Variants in ESRP1 observed in about 807,000 individuals in gnomAD.
ESRP1 encodes epithelial splicing regulatory protein 1.
Under a neutral mutation model 81.7 loss-of-function variants are expected in ESRP1, and 33 were observed. That is an observed-to-expected ratio of 0.40 (90% CI 0.31 to 0.54). ESRP1 has a LOEUF of 0.54. Ranked by LOEUF, ESRP1 falls within the 20% of genes least tolerant of loss-of-function variation. The probability of loss-of-function intolerance (pLI) is 0.41; values close to 1 mark genes in which losing one functional copy is unlikely to be tolerated. For missense variants in ESRP1, 672 were observed against 833.1 expected (o/e 0.81, Z 2.38); for synonymous variants, 320 against 303.3 (o/e 1.06, Z -0.57).
intron 3 of ESRP1, 70 bp from the exon 4 acceptor site, chr8:94,646,098 G>T: frequency 5.4e-5 from 41 of 760,428 alleles, no homozygotes; most frequent in South Asian, 1.5e-4. Context: ...CAATTTTTAG[G>T]TTCCTAATTG....
chr8:94,641,294 C>T lies in ESRP1; in HGVS notation c.-25C>T, dbSNP rs1019535033. The T allele has an allele frequency of 3.1e-6, 5 of 1,595,820 alleles. No individual in the cohort carries two copies. Among genetic ancestry groups the T allele is most frequent in the East Asian group, 2.2e-5 (1 of 44,654 alleles). ...ACCACCTTACCGCCTCCCGACCCCC[C>T]CTCTCCCCCTCCCCACCTATCGTCA... On this transcript the variant is annotated 5_prime_UTR_variant, in exon 1 of 16. Transcript: ENST00000433389.
Position 94,684,724 on chromosome 8 carries a change from C to G in ESRP1, c.1820+6353C>G, listed in dbSNP as rs569709878. ...CTTCCACTTAATCAATTTCTCTAAC[C>G]ATACATATGATACTTTGGCCTCTCT... On this transcript the variant is annotated intron_variant, in intron 13 of 15. Transcript: ENST00000433389. Among the ~76,000 whole-genome samples the G allele has an allele frequency of 2.0e-5, 3 of 152,264 alleles. No individual in the cohort carries two copies. The South Asian group carries it at 6.2e-4, about 32-fold the overall frequency.
chr8:94,654,258 C>T (rs942698691), intron 4 of ESRP1, among the ~76,000 whole-genome samples: 17 of 152,058 alleles, frequency 1.1e-4, no homozygotes, highest in East Asian at 1.9e-4. Context: ...GCGGAGGTTG[C>T]GGTGAGTCAA....
intron 1 of ESRP1, 145 bp downstream of exon 1, chr8:94,641,595 A>G: frequency 8.5e-7 from 1 of 1,180,656 alleles, no homozygotes; most frequent in Non-Finnish European, 1.2e-6. Context: ...TAGGGAAGCT[A>G]GAGTAAAACC....
chr8:94,673,549 C>A (rs1398893722), intron 11 of ESRP1, among the ~76,000 whole-genome samples: 1 of 152,182 alleles, frequency 6.6e-6, no homozygotes, highest in African/African-American at 2.4e-5. Flanking sequence ...ATAAAACATT[C>A]GTGCTCAATA....
chr8:94,692,680 C>T lies in ESRP1; in HGVS notation c.1824C>T (p.Pro608=). 6.2e-7 allele frequency: 1 copy of T among 1,613,384 alleles called. No individual in the cohort carries two copies. Among genetic ancestry groups the T allele is most frequent in the Non-Finnish European group, 8.5e-7 (1 of 1,179,498 alleles). Residue 608 remains proline (P), a synonymous_variant, in exon 14 of 16, where the codon CCC becomes CCT. Coordinates refer to ENST00000433389, the MANE Select transcript of ESRP1 (RefSeq NM_017697.4). The stretch of plus-strand genomic sequence containing the variant: ...ACTGTGCTTTCTCTCCCTTTAGCCC[C>T]CCAGGTTCGCCTAATAGTCTTGGCT... The part of the protein sequence containing the change: ...FMNYTAYYPS[P]PGSPNSLGYF...
At chr8:94,670,362 G>T (rs941976178) in intron 10 of ESRP1, among the ~76,000 whole-genome samples, 2 of 151,950 alleles carry the variant, frequency 1.3e-5, no homozygotes, top group Non-Finnish European at 2.9e-5. Context: ...TAATGTTTTT[G>T]CTGTGTCTGG....
intron 13 of ESRP1, among the ~76,000 whole-genome samples, chr8:94,683,400 T>A (rs563813144): frequency 6.6e-6 from 1 of 152,338 alleles, no homozygotes; most frequent in Admixed American, 6.5e-5. Context: ...GAACTTGCTC[T>A]TCTTATTCCA....
At chr8:94,686,125 T>G (rs553116263) in intron 13 of ESRP1, among the ~76,000 whole-genome samples, 172 of 152,198 alleles carry the variant, frequency 1.1e-3, no homozygotes, top group Admixed American at 2.7e-3. Flanking sequence ...AACAGAGTTT[T>G]GCCATGTTGG....
chr8:94,699,718 G>A (rs574277636), intron 15 of ESRP1, among the ~76,000 whole-genome samples: 1 of 152,124 alleles, frequency 6.6e-6, no homozygotes, highest in South Asian at 2.1e-4. Context: ...CCAACTCTAG[G>A]AGATAGGATT....
chr8:94,658,980 G>C (rs1333055737), intron 4 of ESRP1, among the ~76,000 whole-genome samples: 1 of 152,060 alleles, frequency 6.6e-6, no homozygotes, highest in African/African-American at 2.4e-5. Flanking sequence ...GGAGTGCAGT[G>C]GTGTACTTTT....
intron 13 of ESRP1, among the ~76,000 whole-genome samples, chr8:94,683,447 C>T (rs1349187272): frequency 1.3e-5 from 2 of 152,126 alleles, no homozygotes; most frequent in Non-Finnish European, 2.9e-5. Flanking sequence ...TTGAGATTCA[C>T]ATGCAGTTGT....
chr8:94,651,938 T>C (rs905477380), intron 4 of ESRP1, among the ~76,000 whole-genome samples: 2 of 151,570 alleles, frequency 1.3e-5, no homozygotes, highest in African/African-American at 4.8e-5. Flanking sequence ...CTGGTTCTTA[T>C]TTTTGGCACT....
chr8:94,678,149 G>A (rs747130127), intron 12 of ESRP1, 54 bp from the exon 13 acceptor site: 267 of 1,570,468 alleles, frequency 1.7e-4, no homozygotes, highest in Middle Eastern at 5.0e-4. Flanking sequence ...GTGCTAGCAC[G>A]TGCATGTCAG....
intron 4 of ESRP1, among the ~76,000 whole-genome samples, chr8:94,660,741 AAACC>A (rs1563525292): frequency 8.3e-6 from 1 of 120,010 alleles, no homozygotes; most frequent in African/African-American, 2.8e-5. Context: ...AAAAAAAAAA[AAACC>A]AAAACAAACA....
Position 94,694,821 on chromosome 8 carries a change from T to C in ESRP1, c.1971+1994T>C, listed in dbSNP as rs192792349. Reference sequence around the variant, plus strand: ...AACCAGAAACATAACGATTGTGCAATATTATTTCATCTCAAGGCATTTGGC... The same window carrying C: ...AACCAGAAACATAACGATTGTGCAACATTATTTCATCTCAAGGCATTTGGC... On this transcript the variant is annotated intron_variant, in intron 14 of 15. Coordinates refer to ENST00000433389, the MANE Select transcript of ESRP1 (RefSeq NM_017697.4). Among the ~76,000 whole-genome samples, 44 of 152,340 alleles carry C rather than the reference T, an allele frequency of 2.9e-4. No homozygotes were observed. In the East Asian group the frequency reaches 7.5e-3, roughly 26 times the overall value.
At chr8:94,703,242 C>T (rs1809919912) in intron 15 of ESRP1, among the ~76,000 whole-genome samples, 2 of 151,838 alleles carry the variant, frequency 1.3e-5, no homozygotes, top group Non-Finnish European at 2.9e-5. Context: ...GCAACCTCCA[C>T]CTCCCGGGTT....
chr8:94,707,110 A>T lies in ESRP1; in HGVS notation c.*1221A>T, dbSNP rs114868159. ...TGCATTGAATGTGGATATTTCTCTA[A>T]GTTACTCATATTGTCCTTTGCTTGA... On this transcript the variant is annotated 3_prime_UTR_variant, in exon 16 of 16. Transcript: ENST00000433389. 4.9e-3 allele frequency: 739 copies of T among 152,340 alleles called. 5 individuals carry two copies. Among genetic ancestry groups the T allele is most frequent in the African/African-American group, 0.017 (692 of 41,576 alleles). 9.4% of individuals were successfully genotyped at this position (152,340 alleles called of 1,614,324 possible). A position where few individuals can be genotyped will look rare whatever the true frequency, so the allele number is the denominator to read the frequency against.
intron 13 of ESRP1, among the ~76,000 whole-genome samples, chr8:94,678,988 T>C (rs1219080272): frequency 6.6e-6 from 1 of 152,208 alleles, no homozygotes; most frequent in African/African-American, 2.4e-5. Context: ...GTTAGTTTCT[T>C]TCCAAGCTAT....
Sources: gnomAD v4.1 joint callset for allele counts (sites outside exome capture counted in the v4.1 genomes callset) on GRCh38, gnomAD v4.1.1 for gene constraint, MANE v1.5 for transcripts, NCBI Gene and HGNC (gene_info 2026-07-23, HGNC 2026-07-21) for gene names.